Variants in SLC24A3 observed in about 807,000 individuals in gnomAD.
SLC24A3 encodes the protein solute carrier family 24 member 3.
A neutral mutation model predicts 75.8 loss-of-function variants in SLC24A3; 28 were observed. The observed-to-expected ratio is 0.37, with a 90% CI of 0.27 to 0.51. The LOEUF (loss-of-function observed/expected upper bound fraction) is 0.51. Ranked by LOEUF, SLC24A3 falls within the 20% of genes least tolerant of loss-of-function variation. SLC24A3 has a pLI of 0.94. For synonymous variants in SLC24A3, 372 were observed against 334.1 expected, an observed-to-expected ratio of 1.11 and a Z score of -1.24; for missense variants, 663 against 847.8, an observed-to-expected ratio of 0.78 and a Z score of 2.71.
chr20:19,339,087 G>A (rs1033832714), intron 2 of SLC24A3, among the ~76,000 whole-genome samples: 15 of 151,718 alleles, frequency 9.9e-5, no homozygotes, highest in Non-Finnish European at 1.5e-4. Flanking sequence ...TTGCTGAGTC[G>A]TGGAGAAGCA....
intron 1 of SLC24A3, among the ~76,000 whole-genome samples, chr20:19,252,701 A>G (rs1388671208): frequency 6.7e-6 from 1 of 150,116 alleles, no homozygotes; most frequent in Non-Finnish European, 1.5e-5. Context: ...ATCTTAGTAC[A>G]TTCATTTGTA....
chr20:19,346,095 A>C (rs1436049740), intron 2 of SLC24A3, among the ~76,000 whole-genome samples: 1 of 72,390 alleles, frequency 1.4e-5, no homozygotes, highest in Non-Finnish European at 2.2e-5. Flanking sequence ...ATATATATAT[A>C]TATATATATA....
chr20:19,678,494 C>T (rs1486948305), intron 9 of SLC24A3, among the ~76,000 whole-genome samples: 6 of 135,166 alleles, frequency 4.4e-5, no homozygotes, highest in East Asian at 4.5e-4. Context: ...CCGGACGGGG[C>T]GGCTGGCCGG....
intron 2 of SLC24A3, among the ~76,000 whole-genome samples, chr20:19,477,811 A>G (rs1800608586): frequency 6.6e-6 from 1 of 152,138 alleles, no homozygotes; most frequent in South Asian, 2.1e-4. Context: ...GTACCTACTG[A>G]CTCTACCCTG....
At chr20:19,399,802 C>A (rs1006735458) in intron 2 of SLC24A3, among the ~76,000 whole-genome samples, 2 of 152,184 alleles carry the variant, frequency 1.3e-5, no homozygotes, top group African/African-American at 4.8e-5. Flanking sequence ...TATCTACTTA[C>A]TAGCTTTCTG....
intron 2 of SLC24A3, among the ~76,000 whole-genome samples, chr20:19,311,821 A>G: frequency 6.6e-6 from 1 of 152,120 alleles, no homozygotes; most frequent in Non-Finnish European, 1.5e-5. Context: ...CATTAAATAC[A>G]TCTTCCCAAA....
intron 6 of SLC24A3, among the ~76,000 whole-genome samples, chr20:19,634,239 T>G (rs2031972562): frequency 6.6e-6 from 1 of 152,194 alleles, no homozygotes; most frequent in Non-Finnish European, 1.5e-5. Flanking sequence ...GAGTCAACTT[T>G]TCCAGTGCAG....
chr20:19,333,202 G>T (rs566941027), intron 2 of SLC24A3, among the ~76,000 whole-genome samples: 162 of 152,350 alleles, frequency 1.1e-3, no homozygotes, highest in Non-Finnish European at 2.0e-3. Context: ...GGGATGTGTA[G>T]TGGGACAGTG....
At position 19,264,728 on chromosome 20, in the gene SLC24A3, C is replaced by CAAAAAAAA. The variant is rs371253803; in HGVS notation, c.143-16221_143-16214dup. ...TGGGCGACAGAGCGAGACTCCATCT[C>CAAAAAAAA]AAAAAAAAAAAAAAAAACAAAACAA... is the stretch of plus-strand genomic sequence containing the variant. On this transcript the variant is annotated intron_variant, in intron 1 of 16. Coordinates refer to ENST00000328041, the MANE Select transcript of SLC24A3 (RefSeq NM_020689.4). 1.1e-4 allele frequency among the ~76,000 whole-genome samples: 11 copies of CAAAAAAAA among 97,920 alleles called. 1 individual carries two copies. The highest frequency in any genetic ancestry group is 6.1e-4 in the East Asian group (2 of 3,272). The allele number at this position is 97,920 out of a possible 152,430, so 64.2% of individuals were successfully genotyped here.
chr20:19,517,002 T>C (rs2206641), intron 3 of SLC24A3, among the ~76,000 whole-genome samples: 63,346 of 151,968 alleles, frequency 0.42, 13,560 homozygotes, highest in Middle Eastern at 0.52. Flanking sequence ...CAATCAACTC[T>C]TCAACTGGTC....
At chr20:19,489,034 C>T (rs1030304217) in intron 2 of SLC24A3, among the ~76,000 whole-genome samples, 9 of 152,192 alleles carry the variant, frequency 5.9e-5, no homozygotes, top group South Asian at 4.1e-4. Context: ...AGCAGAAACC[C>T]GCATACGTCT....
chr20:19,268,898 A>G (rs1423535672), intron 1 of SLC24A3, among the ~76,000 whole-genome samples: 1 of 152,228 alleles, frequency 6.6e-6, no homozygotes, highest in Non-Finnish European at 1.5e-5. Context: ...GAAGAAAATA[A>G]AAGTCAGACA....
At chr20:19,386,485 C>T (rs938296486) in intron 2 of SLC24A3, among the ~76,000 whole-genome samples, 1 of 152,122 alleles carries the variant, frequency 6.6e-6, no homozygotes, top group African/African-American at 2.4e-5. Context: ...GCATCCTTGC[C>T]TTGTAATAGC....
intron 2 of SLC24A3, among the ~76,000 whole-genome samples, chr20:19,322,042 C>A (rs1056721096): frequency 6.6e-6 from 1 of 152,076 alleles, no homozygotes; most frequent in Non-Finnish European, 1.5e-5. Flanking sequence ...GGTGCGGTGC[C>A]CTTCCCAGTG....
intron 1 of SLC24A3, among the ~76,000 whole-genome samples, chr20:19,229,487 A>G (rs1240052734): frequency 6.6e-6 from 1 of 152,136 alleles, no homozygotes; most frequent in Non-Finnish European, 1.5e-5. Context: ...CTCAAACTAT[A>G]AGTTTTGAAA....
At chr20:19,614,035 T>G in intron 6 of SLC24A3, among the ~76,000 whole-genome samples, 1 of 152,216 alleles carries the variant, frequency 6.6e-6, no homozygotes, top group South Asian at 2.1e-4. Context: ...CTCCCAGTTG[T>G]GTATATCCAC....
chr20:19,225,456 T>G (rs1411056304), intron 1 of SLC24A3, among the ~76,000 whole-genome samples: 3 of 152,208 alleles, frequency 2.0e-5, no homozygotes, highest in Admixed American at 2.0e-4. Flanking sequence ...TGTGGAATAT[T>G]TCTTCCCTTA....
At chr20:19,323,063 G>T (rs1225708951) in intron 2 of SLC24A3, among the ~76,000 whole-genome samples, 1 of 151,498 alleles carries the variant, frequency 6.6e-6, no homozygotes, top group East Asian at 1.9e-4. Flanking sequence ...AAAATTAGCC[G>T]GGCGTGGTAG....
chr20:19,310,031 A>AG (rs1984420662), intron 2 of SLC24A3, among the ~76,000 whole-genome samples: 2 of 152,192 alleles, frequency 1.3e-5, no homozygotes, highest in African/African-American at 4.8e-5. Context: ...AATGGGCCTG[A>AG]GCAGAGCCGG....
Sources: allele counts gnomAD v4.1 joint callset (sites outside exome capture counted in the v4.1 genomes callset), GRCh38; gene constraint gnomAD v4.1.1; transcripts MANE v1.5; gene names NCBI Gene and HGNC (gene_info 2026-07-23, HGNC 2026-07-21).